NKX2-6: variants seen among roughly 807,000 people sequenced by gnomAD.
NKX2-6 encodes the protein NK2 homeobox 6, also known as homeobox protein Nkx-2.6.
NKX2-6 carries 8 observed loss-of-function variants against 8.6 expected under a neutral mutation model. The observed-to-expected ratio is 0.93, with a 90% confidence interval of 0.54 to 1.67. The LOEUF (loss-of-function observed/expected upper bound fraction) is 1.67, where lower values mean the gene tolerates loss of function less well. NKX2-6 is among the 40% of genes most tolerant of loss of function. The pLI is 0.00. For synonymous variants in NKX2-6, 210 were observed against 199.3 expected (o/e 1.05, Z -0.45); for missense variants, 475 against 423.1 (o/e 1.12, Z -1.08).
Position 23,701,750 on chromosome 8 carries a change from A to G in NKX2-6, c.*701T>C, listed in dbSNP as rs181462609. Among the ~76,000 whole-genome samples, 277 of 152,288 alleles carry G rather than the reference A, an allele frequency of 1.8e-3. 2 individuals carry two copies. The highest frequency in any genetic ancestry group is 6.2e-3 in the African/African-American group (259 of 41,550). On this transcript the variant is annotated 3_prime_UTR_variant, in exon 2 of 2. Coordinates refer to ENST00000325017, the MANE Select transcript of NKX2-6 (RefSeq NM_001136271.3). ...GCAACCACATGCACACCTATTTAGT[A>G]TATTTATTGGAGGTGCTGTGCTGTA...
At chr8:23,705,528 ACAACACAACTCCCGGATCGACG>A (rs1801076819) in intron 1 of NKX2-6, among the ~76,000 whole-genome samples, 1 of 152,162 alleles carries the variant, frequency 6.6e-6, no homozygotes, top group Admixed American at 6.5e-5. Flanking sequence ...CCGGATCGAC[ACAACACAACTCCCGGATCGACG>A]CAACACAACT....
Position 23,702,910 on chromosome 8 carries a change from C to T in NKX2-6, c.447G>A (p.Arg149=). ...ACAGGTACCGCTGCTGCTTGAAGCG[C>T]CGCTCCAGGGCCAGCACCTGCGCCT... ...FSQAQVLALE[R]RFKQQRYLSA... is the part of the protein sequence containing the mutation. Residue 149 remains arginine (R), a synonymous_variant, in exon 2 of 2, where the codon CGG becomes CGA. Transcript: ENST00000325017. The T allele has an allele frequency of 6.4e-7, 1 of 1,552,430 alleles. No homozygotes were observed. Among genetic ancestry groups the T allele is most frequent in the South Asian group, 1.2e-5 (1 of 84,116 alleles).
chr8:23,704,602 C>T (rs189673310), intron 1 of NKX2-6, among the ~76,000 whole-genome samples: 2 of 152,330 alleles, frequency 1.3e-5, no homozygotes, highest in Non-Finnish European at 2.9e-5. Context: ...AAGGCACTGG[C>T]ACAATCTCCT....
intron 1 of NKX2-6, among the ~76,000 whole-genome samples, chr8:23,706,117 T>A (rs1420919449): frequency 6.6e-6 from 1 of 152,138 alleles, no homozygotes; most frequent in African/African-American, 2.4e-5. Context: ...ATTCAGGGCC[T>A]TACTTTCGTT....
At position 23,702,038 on chromosome 8, in the gene NKX2-6, T is replaced by C; in HGVS notation, c.*413A>G. On this transcript the variant is annotated 3_prime_UTR_variant, in exon 2 of 2. Coordinates refer to ENST00000325017, the MANE Select transcript of NKX2-6 (RefSeq NM_001136271.3). Reference sequence around the variant, plus strand: ...TTTCTTCCCCAACAGCTGTCATTAATTGGAGGATGGTAGGCCCGCTAGATC... The same window carrying C: ...TTTCTTCCCCAACAGCTGTCATTAACTGGAGGATGGTAGGCCCGCTAGATC... Among the ~76,000 whole-genome samples, 1 of 151,734 alleles carries C rather than the reference T, an allele frequency of 6.6e-6. No homozygotes were observed. The highest frequency in any genetic ancestry group is 1.5e-5 in the Non-Finnish European group (1 of 67,924).
rs1451266541 is a variant in NKX2-6 at position 23,702,990 on chromosome 8, G to T, written c.367C>A (p.Arg123Ser). The T allele has an allele frequency of 3.2e-5, 50 of 1,542,016 alleles. No individual in the cohort carries two copies. The highest frequency in any genetic ancestry group is 4.1e-5 in the Non-Finnish European group (47 of 1,145,120). The change falls in exon 2 of 2, where the codon CGC becomes AGC. Residue 123 changes from arginine (R) to serine (S), a missense_variant. Arg to Ser is a moderately radical substitution (Grantham distance 110). Coordinates refer to ENST00000325017, the MANE Select transcript of NKX2-6 (RefSeq NM_001136271.3). ...GNSGDSVRGG[R>S]SEQPKARQRR... ...TGCCGCGCCTTGGGCTGCTCCGAGC[G>T]GCCACCCCGCACGCTGTCGCCGCTG...
chr8:23,706,563 C>T lies in NKX2-6; in HGVS notation c.36G>A (p.Ser12=), dbSNP rs375728930. Residue 12 remains serine (S), a synonymous_variant, in exon 1 of 2, where the codon TCG becomes TCA. Transcript: ENST00000325017. Reference sequence around the variant, plus strand: ...GCTCCAGTCGCAGGATGTCCTTGACCGAGAAGGGGGTGGAGGTGACGGGGC... The same window carrying T: ...GCTCCAGTCGCAGGATGTCCTTGACTGAGAAGGGGGTGGAGGTGACGGGGC... ...LLSPVTSTPF[S]VKDILRLERE... is the part of the protein sequence containing the mutation. The T allele has an allele frequency of 1.3e-6, 2 of 1,536,306 alleles. No homozygotes were observed. Among genetic ancestry groups the T allele is most frequent in the Non-Finnish European group, 1.7e-6 (2 of 1,146,894 alleles).
rs1404496092 is a variant in NKX2-6, at chr8:23,702,319, A to AT, written c.*131dup. 4 of 1,014,076 alleles carry AT rather than the reference A, an allele frequency of 3.9e-6. No homozygotes were observed. Among genetic ancestry groups the AT allele is most frequent in the Non-Finnish European group, 5.5e-6 (4 of 725,608 alleles). 62.8% of individuals were successfully genotyped at this position (1,014,076 alleles called of 1,614,324 possible). A position where few individuals can be genotyped will look rare whatever the true frequency, so the allele number is the denominator to read the frequency against. On this transcript the variant is annotated 3_prime_UTR_variant, in exon 2 of 2. Coordinates refer to ENST00000325017, the MANE Select transcript of NKX2-6 (RefSeq NM_001136271.3). Reference sequence around the variant, plus strand: ...TGTGGTGCAGATCGCAGTTTCAGAGATCCCTCCGGAAAGAAGCGCCGTTGG... The same window carrying AT: ...TGTGGTGCAGATCGCAGTTTCAGAGATTCCCTCCGGAAAGAAGCGCCGTTGG...
chr8:23,704,366 C>A (rs80292888), intron 1 of NKX2-6, among the ~76,000 whole-genome samples: 2,634 of 152,286 alleles, frequency 0.017, 82 homozygotes, highest in African/African-American at 0.061. Context: ...ACCCCTACAG[C>A]TGAGACTGTG....
At position 23,702,974 on chromosome 8, in the gene NKX2-6, T is replaced by C. The variant is rs1585252184; in HGVS notation, c.383A>G (p.Lys128Arg). The change falls in exon 2 of 2, where the codon AAG becomes AGG. Residue 128 changes from lysine (K) to arginine (R), a missense_variant. Transcript: ENST00000325017. ...GCGCGGCTTCCGTCGTTGCCGCGCCTTGGGCTGCTCCGAGCGGCCACCCCG... is the reference window on the plus strand; with the variant it reads ...GCGCGGCTTCCGTCGTTGCCGCGCCCTGGGCTGCTCCGAGCGGCCACCCCG... ...SVRGGRSEQP[K>R]ARQRRKPRVL... 1.3e-6 allele frequency: 2 copies of C among 1,544,980 alleles called. No individual in the cohort carries two copies. The highest frequency in any genetic ancestry group is 1.7e-6 in the Non-Finnish European group (2 of 1,145,420).
At position 23,702,350 on chromosome 8, in the gene NKX2-6, A is replaced by T. The variant is rs11991548; in HGVS notation, c.*101T>A. 1,689 of 1,274,264 alleles carry T rather than the reference A, an allele frequency of 1.3e-3. 16 individuals carry two copies. The African/African-American group carries it at 0.024, about 18-fold the overall frequency. 78.9% of individuals were successfully genotyped at this position (1,274,264 alleles called of 1,614,324 possible). A position where few individuals can be genotyped will look rare whatever the true frequency, so the allele number is the denominator to read the frequency against. ...CCGGAAAGAAGCGCCGTTGGGTAGC[A>T]GCTTCCTTCCAGCGCCGCGTCCCCT... On this transcript the variant is annotated 3_prime_UTR_variant, in exon 2 of 2. Transcript: ENST00000325017.
At position 23,702,956 on chromosome 8, in the gene NKX2-6, T is replaced by A. The variant is rs746288922; in HGVS notation, c.401A>T (p.Lys134Met). ...CGCCTGCGAAAAGAGCACGCGCGGC[T>A]TCCGTCGTTGCCGCGCCTTGGGCTG... Reference protein sequence around the residue: ...SEQPKARQRRKPRVLFSQAQV... With the variant: ...SEQPKARQRRMPRVLFSQAQV... The change falls in exon 2 of 2, where the codon AAG (lysine) becomes ATG (methionine). Residue 134 changes from lysine to methionine, a missense_variant. By Grantham distance (95) the Lys-to-Met change is moderately conservative. Transcript: ENST00000325017. 8 of 1,547,182 alleles carry A rather than the reference T, an allele frequency of 5.2e-6. No homozygotes were observed. In the African/African-American group the frequency reaches 1.1e-4, roughly 21 times the overall value.
chr8:23,704,313 G>A (rs1162937005), intron 1 of NKX2-6, among the ~76,000 whole-genome samples: 1 of 152,182 alleles, frequency 6.6e-6, no homozygotes, highest in East Asian at 1.9e-4. Flanking sequence ...TGGCAAGCAG[G>A]TGGTGTGGGC....
At position 23,701,861 on chromosome 8, in the gene NKX2-6, C is replaced by G. The variant is rs1379133946; in HGVS notation, c.*590G>C. Reference sequence around the variant, plus strand: ...GCAGTCGTGGCCAGAAAAGAGTGCTCCTCTGGATTAACGGAGTCCCCTGGG... The same window carrying G: ...GCAGTCGTGGCCAGAAAAGAGTGCTGCTCTGGATTAACGGAGTCCCCTGGG... On this transcript the variant is annotated 3_prime_UTR_variant, in exon 2 of 2. Coordinates refer to ENST00000325017, the MANE Select transcript of NKX2-6 (RefSeq NM_001136271.3). Among the ~76,000 whole-genome samples the G allele has an allele frequency of 9.9e-5, 15 of 152,140 alleles. No homozygotes were observed. Among genetic ancestry groups the G allele is most frequent in the Non-Finnish European group, 1.5e-5 (1 of 68,024 alleles).
At position 23,701,873 on chromosome 8, in the gene NKX2-6, C is replaced by A. The variant is rs927397021; in HGVS notation, c.*578G>T. Among the ~76,000 whole-genome samples, 2 of 152,154 alleles carry A rather than the reference C, an allele frequency of 1.3e-5. No individual in the cohort carries two copies. Among genetic ancestry groups the A allele is most frequent in the Non-Finnish European group, 2.9e-5 (2 of 68,028 alleles). On this transcript the variant is annotated 3_prime_UTR_variant, in exon 2 of 2. Coordinates refer to ENST00000325017, the MANE Select transcript of NKX2-6 (RefSeq NM_001136271.3). The stretch of plus-strand genomic sequence containing the variant: ...AGAAAAGAGTGCTCCTCTGGATTAA[C>A]GGAGTCCCCTGGGGCGCGGCCTTAT...
rs368111443 is a variant in NKX2-6, at chr8:23,702,764, A to G, written c.593T>C (p.Leu198Pro). 1.9e-4 allele frequency: 297 copies of G among 1,554,416 alleles called. No individual in the cohort carries two copies. The highest frequency in any genetic ancestry group is 2.3e-4 in the Non-Finnish European group (265 of 1,148,570). Residue 198 changes from leucine to proline, a missense_variant, in exon 2 of 2, where the codon CTG (leucine) becomes CCG (proline). Leu to Pro is a moderately conservative substitution (Grantham distance 98). Coordinates refer to ENST00000325017, the MANE Select transcript of NKX2-6 (RefSeq NM_001136271.3). ...KRQRQDKSLE[L>P]AGHPLTPRRV... ...GCGCGGCGTTAGAGGGTGGCCAGCC[A>G]GTTCCAGCGACTTGTCCTGGCGCTG...
At chr8:23,705,009 G>A (rs1397582799) in intron 1 of NKX2-6, among the ~76,000 whole-genome samples, 1 of 152,186 alleles carries the variant, frequency 6.6e-6, no homozygotes, top group Non-Finnish European at 1.5e-5. Flanking sequence ...GCCGGCCTCG[G>A]GTCCGGCCTC....
Position 23,702,901 on chromosome 8 carries a change from C to T in NKX2-6, c.456G>A (p.Lys152=), listed in dbSNP as rs1563303782. ...AQVLALERRF[K]QQRYLSAPER... The stretch of plus-strand genomic sequence containing the variant: ...CGGGCGCTGACAGGTACCGCTGCTG[C>T]TTGAAGCGCCGCTCCAGGGCCAGCA... The change falls in exon 2 of 2, where the codon AAG becomes AAA. Residue 152 remains lysine, a synonymous_variant. Coordinates refer to ENST00000325017, the MANE Select transcript of NKX2-6 (RefSeq NM_001136271.3). The T allele has an allele frequency of 6.4e-7, 1 of 1,553,714 alleles. No homozygotes were observed. Among genetic ancestry groups the T allele is most frequent in the South Asian group, 1.2e-5 (1 of 84,202 alleles).
chr8:23,703,327 T>TTA (rs1309923023), intron 1 of NKX2-6, among the ~76,000 whole-genome samples: 1 of 152,164 alleles, frequency 6.6e-6, no homozygotes, highest in Non-Finnish European at 1.5e-5. Context: ...CAACCTATGG[T>TTA]CCCTCGTGTG....
Sources: gnomAD v4.1 joint callset for allele counts (sites outside exome capture counted in the v4.1 genomes callset) on GRCh38, gnomAD v4.1.1 for gene constraint, MANE v1.5 for transcripts, NCBI Gene and HGNC (gene_info 2026-07-23, HGNC 2026-07-21) for gene names.